Variants in RRP1B observed in about 807,000 individuals in gnomAD.
The protein encoded by RRP1B is ribosomal RNA processing 1B, also known as ribosomal RNA processing protein 1 homolog B.
A neutral mutation model predicts 80.2 loss-of-function variants in RRP1B; 56 were observed. That is an observed-to-expected ratio of 0.70 (90% CI 0.56 to 0.87). The LOEUF (loss-of-function observed/expected upper bound fraction) is 0.87, where lower values mean the gene tolerates loss of function less well. Among genes scored for constraint, RRP1B ranks in the 40% least tolerant of loss-of-function variants. The pLI is 0.00. For missense variants in RRP1B, 807 were observed against 939.8 expected (o/e 0.86, Z 1.85); for synonymous variants, 351 against 357.6 (o/e 0.98, Z 0.21).
chr21:43,672,202 A>C, intron 2 of RRP1B, 106 bp from the exon 3 acceptor site: 1 of 886,732 alleles, frequency 1.1e-6, no homozygotes, highest in Non-Finnish European at 1.9e-6. Context: ...CAAGAGGGGC[A>C]GACCTTCCCA....
rs1303078207 is a variant in RRP1B, at chr21:43,673,933, T to A, written c.335T>A (p.Leu112Gln). ...CGAGAATGGAAAGGAATAGACAGGCTACGCCTGGACAAATACTATATGGTA... is the reference window on the plus strand; with the variant it reads ...CGAGAATGGAAAGGAATAGACAGGCAACGCCTGGACAAATACTATATGGTA... Reference protein sequence around the residue: ...MNREWKGIDRLRLDKYYMLIR... With the variant: ...MNREWKGIDRQRLDKYYMLIR... Residue 112 changes from leucine to glutamine, a missense_variant, in exon 4 of 16, where the codon CTA becomes CAA. Leu to Gln is a moderately radical substitution (Grantham distance 113). Coordinates refer to ENST00000340648, the MANE Select transcript of RRP1B (RefSeq NM_015056.3). 1 of 1,612,998 alleles carries A rather than the reference T, an allele frequency of 6.2e-7. No homozygotes were observed. Among genetic ancestry groups the A allele is most frequent in the Non-Finnish European group, 8.5e-7 (1 of 1,179,322 alleles).
In RRP1B at chr21:43,687,553, A is replaced by C. The variant is rs746194479; in HGVS notation, c.1179A>C (p.Glu393Asp). ...RVFCVEEEDS[E>D]SSLQKRRRKK... ...TTTGTGTAGAGGAAGAGGACAGTGAAAGCAGTCTTCAAAAGAGAAGAAGGA... is the reference window on the plus strand; with the variant it reads ...TTTGTGTAGAGGAAGAGGACAGTGACAGCAGTCTTCAAAAGAGAAGAAGGA... The change falls in exon 13 of 16, where the codon GAA becomes GAC. Residue 393 changes from glutamate (E) to aspartate (D), a missense_variant. Transcript: ENST00000340648. The C allele has an allele frequency of 1.3e-6, 2 of 1,500,120 alleles. No homozygotes were observed. The highest frequency in any genetic ancestry group is 1.8e-6 in the Non-Finnish European group (2 of 1,132,800). The allele number at this position is 1,500,120 out of a possible 1,614,324, so 92.9% of individuals were successfully genotyped here. A position where few individuals can be genotyped will look rare whatever the true frequency, so the allele number is the denominator to read the frequency against.
intron 1 of RRP1B, among the ~76,000 whole-genome samples, chr21:43,668,765 C>A (rs983451886): frequency 2.0e-5 from 3 of 152,124 alleles, no homozygotes; most frequent in Non-Finnish European, 2.9e-5. Context: ...TTTGTTGCTC[C>A]AAAAGATTTC....
At chr21:43,668,764 C>G (rs372460123) in intron 1 of RRP1B, among the ~76,000 whole-genome samples, 10 of 152,122 alleles carry the variant, frequency 6.6e-5, no homozygotes, top group East Asian at 5.8e-4. Context: ...CTTTGTTGCT[C>G]CAAAAGATTT....
intron 8 of RRP1B, among the ~76,000 whole-genome samples, 169 bp downstream of exon 8, chr21:43,677,083 G>A (rs747326249): frequency 2.6e-4 from 40 of 152,142 alleles, no homozygotes; most frequent in Non-Finnish European, 5.1e-4. Context: ...GTGCCTGGGG[G>A]GTGCCTAGCG....
intron 1 of RRP1B, among the ~76,000 whole-genome samples, chr21:43,668,828 A>C (rs750621835): frequency 4.6e-5 from 7 of 152,196 alleles, no homozygotes; most frequent in Non-Finnish European, 8.8e-5. Context: ...ACACACATCA[A>C]GACTTGAGGA....
chr21:43,689,768 C>T (rs1417253894), intron 13 of RRP1B, among the ~76,000 whole-genome samples: 3 of 152,234 alleles, frequency 2.0e-5, no homozygotes, highest in Non-Finnish European at 4.4e-5. Flanking sequence ...CCTGCCGGAG[C>T]CACCCGTGTG....
At chr21:43,662,490 C>G (rs1019804973) in intron 1 of RRP1B, among the ~76,000 whole-genome samples, 2 of 152,184 alleles carry the variant, frequency 1.3e-5, no homozygotes, top group African/African-American at 4.8e-5. Flanking sequence ...ATTCGACTCC[C>G]GATGACAGGC....
chr21:43,669,898 G>A lies in RRP1B; in HGVS notation c.145G>A (p.Glu49Lys). 1 of 1,612,342 alleles carries A rather than the reference G, an allele frequency of 6.2e-7. No homozygotes were observed. The highest frequency in any genetic ancestry group is 8.5e-7 in the Non-Finnish European group (1 of 1,178,714). Residue 49 changes from glutamate to lysine, a missense_variant, in exon 2 of 16, where the codon GAA becomes AAA. Transcript: ENST00000340648. ...TQRETGGFSQ[E>K]ELLKIWKGLF... ...TTGCCTTCCAGGAGGTTTCAGTCAGGAAGAACTTCTGAAAATCTGGAAGGG... is the reference window on the plus strand; with the variant it reads ...TTGCCTTCCAGGAGGTTTCAGTCAGAAAGAACTTCTGAAAATCTGGAAGGG...
chr21:43,694,705 G>T lies in RRP1B; in HGVS notation c.*1322G>T, dbSNP rs1438138598. 6.6e-6 allele frequency: 1 copy of T among 152,314 alleles called. No individual in the cohort carries two copies. Among genetic ancestry groups the T allele is most frequent in the East Asian group, 1.9e-4 (1 of 5,208 alleles). 9.4% of individuals were successfully genotyped at this position (152,314 alleles called of 1,614,324 possible). Reference sequence around the variant, plus strand: ...GTTATGCCCCCCATACAGGAGCCTCGGTTTTTCAGCAAAACGCGGCCAGTC... The same window carrying T: ...GTTATGCCCCCCATACAGGAGCCTCTGTTTTTCAGCAAAACGCGGCCAGTC... On this transcript the variant is annotated 3_prime_UTR_variant, in exon 16 of 16. Transcript: ENST00000340648.
In RRP1B at chr21:43,659,733, C is replaced by A. The variant is rs368987434; in HGVS notation, c.69C>A (p.Ile23=). The part of the protein sequence containing the change: ...AQRLASSEKG[I]RDRAVKKLRQ... ...GGCTGGCGTCCAGCGAGAAGGGCAT[C>A]CGGGACCGAGCGGTGAAGAAGCTGC... is the stretch of plus-strand genomic sequence containing the variant. Residue 23 remains isoleucine (I), a synonymous_variant, in exon 1 of 16, where the codon ATC becomes ATA. Transcript: ENST00000340648. The surrounding 1 kb of genome is among the most constrained non-coding windows in gnomAD (Gnocchi z 4.2). 30 of 1,533,852 alleles carry A rather than the reference C, an allele frequency of 2.0e-5. No homozygotes were observed. In the East Asian group the frequency reaches 5.6e-4, roughly 29 times the overall value.
Position 43,693,085 on chromosome 21 carries a change from C to A in RRP1B, c.2084-105C>A. The A allele has an allele frequency of 1.7e-6, 2 of 1,197,620 alleles. No homozygotes were observed. Among genetic ancestry groups the A allele is most frequent in the Non-Finnish European group, 2.4e-6 (2 of 832,646 alleles). 74.2% of individuals were successfully genotyped at this position (1,197,620 alleles called of 1,614,324 possible). A position where few individuals can be genotyped will look rare whatever the true frequency, so the allele number is the denominator to read the frequency against. On this transcript the variant is annotated intron_variant, in intron 15 of 15. Transcript: ENST00000340648. The surrounding 1 kb of genome is among the most constrained non-coding windows in gnomAD (Gnocchi z 4.1). ...GGCCTTGAGATGGCCCTGCTTCGTCCTAGCAAGTGGGTGGGGTCGGCACCC... is the reference window on the plus strand; with the variant it reads ...GGCCTTGAGATGGCCCTGCTTCGTCATAGCAAGTGGGTGGGGTCGGCACCC...
chr21:43,694,371 A>G lies in RRP1B; in HGVS notation c.*988A>G, dbSNP rs1309713591. ...CAGACCGTTCTCCTGTAAGTTCATT[A>G]CAAACACGGGCGGAAGGCACTCAGG... On this transcript the variant is annotated 3_prime_UTR_variant, in exon 16 of 16. Transcript: ENST00000340648. 3.9e-5 allele frequency: 6 copies of G among 152,248 alleles called. No homozygotes were observed. Among genetic ancestry groups the G allele is most frequent in the Non-Finnish European group, 8.8e-5 (6 of 68,038 alleles). The allele number at this position is 152,248 out of a possible 1,614,324, so 9.4% of individuals were successfully genotyped here. A position where few individuals can be genotyped will look rare whatever the true frequency, so the allele number is the denominator to read the frequency against.
At position 43,694,573 on chromosome 21, in the gene RRP1B, A is replaced by G. The variant is rs962809450; in HGVS notation, c.*1190A>G. 1 of 152,216 alleles carries G rather than the reference A, an allele frequency of 6.6e-6. No homozygotes were observed. Among genetic ancestry groups the G allele is most frequent in the African/African-American group, 2.4e-5 (1 of 41,456 alleles). The allele number at this position is 152,216 out of a possible 1,614,324, so 9.4% of individuals were successfully genotyped here. On this transcript the variant is annotated 3_prime_UTR_variant, in exon 16 of 16. Transcript: ENST00000340648. ...CGCCTTCTCCGTGGCTTCCGCAGCT[A>G]CCGTCTGCACGGTGAGAGGGCACGG...
intron 13 of RRP1B, among the ~76,000 whole-genome samples, chr21:43,689,764 G>A (rs749170314): frequency 2.0e-5 from 3 of 152,236 alleles, no homozygotes; most frequent in African/African-American, 4.8e-5. Context: ...TGAACCTGCC[G>A]GAGCCACCCG....
intron 1 of RRP1B, among the ~76,000 whole-genome samples, chr21:43,660,671 A>T (rs2282526): frequency 0.68 from 103,273 of 152,174 alleles, 35,632 homozygotes; most frequent in East Asian, 0.82. Context: ...TGGGCTGATA[A>T]TCAGCTCAGA....
rs1302245665 is a variant in RRP1B, at chr21:43,659,927, C to T, written c.130+133C>T. On this transcript the variant is annotated intron_variant, in intron 1 of 15. Coordinates refer to ENST00000340648, the MANE Select transcript of RRP1B (RefSeq NM_015056.3). This position sits in a 1 kb window ranked among gnomAD's most constrained non-coding sequence, Gnocchi z 4.2. Reference sequence around the variant, plus strand: ...CACCCAGCGTGTGCTTCGGTTTCCGCGCTGCCGGAACCGCTTCTTGCTGTG... The same window carrying T: ...CACCCAGCGTGTGCTTCGGTTTCCGTGCTGCCGGAACCGCTTCTTGCTGTG... 3 of 1,052,548 alleles carry T rather than the reference C, an allele frequency of 2.9e-6. No individual in the cohort carries two copies. Among genetic ancestry groups the T allele is most frequent in the South Asian group, 4.7e-5 (2 of 42,916 alleles). The allele number at this position is 1,052,548 out of a possible 1,614,324, so 65.2% of individuals were successfully genotyped here.
intron 1 of RRP1B, among the ~76,000 whole-genome samples, chr21:43,665,221 A>C (rs1183635726): frequency 6.6e-6 from 1 of 152,234 alleles, no homozygotes; most frequent in Non-Finnish European, 1.5e-5. Flanking sequence ...TCTGGAAATA[A>C]ATATGCTGTT....
chr21:43,688,825 T>C (rs534334020), intron 13 of RRP1B, among the ~76,000 whole-genome samples: 1 of 152,346 alleles, frequency 6.6e-6, no homozygotes, highest in East Asian at 1.9e-4. Flanking sequence ...GGTCTGGCTG[T>C]GTCACCCAGG....
Sources: gnomAD v4.1 joint callset for allele counts (sites outside exome capture counted in the v4.1 genomes callset) on GRCh38, gnomAD v4.1.1 for gene constraint, Gnocchi (gnomAD v3.1) non-coding constraint, MANE v1.5 for transcripts, NCBI Gene and HGNC (gene_info 2026-07-23, HGNC 2026-07-21) for gene names.